ELP4: variants seen among roughly 807,000 people sequenced by gnomAD.
The protein encoded by ELP4 is elongator acetyltransferase complex subunit 4.
Under a neutral mutation model 48.9 loss-of-function variants are expected in ELP4, and 51 were observed. That is an observed-to-expected ratio of 1.04 (90% CI 0.83 to 1.32). The LOEUF (loss-of-function observed/expected upper bound fraction) is 1.32. Ranked by LOEUF, ELP4 falls within the 40% of genes most tolerant of loss-of-function variation. The pLI is 0.00. For synonymous variants in ELP4, 210 were observed against 189.2 expected (o/e 1.11, Z -0.90); for missense variants, 519 against 514.6 (o/e 1.01, Z -0.08).
chr11:31,697,386 G>T (rs1214374404), intron 9 of ELP4, among the ~76,000 whole-genome samples: 1 of 151,960 alleles, frequency 6.6e-6, no homozygotes, highest in Non-Finnish European at 1.5e-5. Context: ...GTATTATAAT[G>T]GAAGAGGAAA....
At chr11:31,535,770 A>T (rs553791479) in intron 2 of ELP4, among the ~76,000 whole-genome samples, 4 of 152,328 alleles carry the variant, frequency 2.6e-5, no homozygotes, top group African/African-American at 7.2e-5. Flanking sequence ...GGCCCCAAGC[A>T]CCTAACCTCT....
chr11:31,520,061 G>A lies in ELP4; in HGVS notation c.229G>A (p.Gly77Ser). ...LPALDQLLGG[G>S]LAVGTVLLIE... The stretch of plus-strand genomic sequence containing the variant: ...TGGTTTTGTTTCATTTCCAGGTGGA[G>A]GTTTAGCCGTTGGAACAGTTCTTCT... The change falls in exon 2 of 10, where the codon GGT becomes AGT. Residue 77 changes from glycine to serine, a missense_variant. Physicochemically the swap from Gly to Ser is moderately conservative, Grantham distance 56. Coordinates refer to ENST00000640961, the MANE Select transcript of ELP4 (RefSeq NM_019040.5). 6.2e-7 allele frequency: 1 copy of A among 1,612,728 alleles called. No homozygotes were observed. The highest frequency in any genetic ancestry group is 8.5e-7 in the Non-Finnish European group (1 of 1,179,524).
At chr11:31,620,710 G>A (rs1220154181) in intron 5 of ELP4, among the ~76,000 whole-genome samples, 2 of 151,934 alleles carry the variant, frequency 1.3e-5, no homozygotes, top group African/African-American at 4.8e-5. Flanking sequence ...AAGTCAGAGT[G>A]ATGTCAAGCT....
chr11:31,770,819 G>GAAAAA (rs1223566241), intron 9 of ELP4, among the ~76,000 whole-genome samples: 1 of 109,748 alleles, frequency 9.1e-6, no homozygotes, highest in Non-Finnish European at 1.7e-5. Context: ...AGGACAGAGT[G>GAAAAA]AGACCCTGTC....
At chr11:31,736,206 A>C (rs1294053022) in intron 9 of ELP4, among the ~76,000 whole-genome samples, 1 of 152,196 alleles carries the variant, frequency 6.6e-6, no homozygotes, top group African/African-American at 2.4e-5. Flanking sequence ...GACAAACCTG[A>C]GAAAAACAAA....
chr11:31,616,508 G>A (rs530439239), intron 5 of ELP4, among the ~76,000 whole-genome samples: 11 of 151,982 alleles, frequency 7.2e-5, no homozygotes, highest in Non-Finnish European at 1.3e-4. Context: ...TCATAATCTT[G>A]GATTCGGCCA....
At chr11:31,749,377 G>GT (rs1832550498) in intron 9 of ELP4, among the ~76,000 whole-genome samples, 1 of 152,214 alleles carries the variant, frequency 6.6e-6, no homozygotes, top group African/African-American at 2.4e-5. Flanking sequence ...ACACAGATTA[G>GT]TTATAGAGAG....
chr11:31,710,164 G>T (rs552531265), intron 9 of ELP4, among the ~76,000 whole-genome samples: 1 of 152,282 alleles, frequency 6.6e-6, no homozygotes, highest in East Asian at 1.9e-4. Context: ...TGTTGAATAC[G>T]TGAATTAGAC....
chr11:31,578,466 G>A (rs1414002484), intron 3 of ELP4, among the ~76,000 whole-genome samples: 2 of 152,158 alleles, frequency 1.3e-5, no homozygotes, highest in Non-Finnish European at 2.9e-5. Context: ...AACCAAAAAA[G>A]AGCCTGCTTT....
chr11:31,601,570 A>G (rs879531527), intron 4 of ELP4, among the ~76,000 whole-genome samples: 2 of 152,168 alleles, frequency 1.3e-5, no homozygotes, highest in Non-Finnish European at 1.5e-5. Flanking sequence ...GATTTCTATC[A>G]CATTAATATT....
intron 7 of ELP4, among the ~76,000 whole-genome samples, chr11:31,639,222 C>T (rs1408522111): frequency 6.6e-6 from 1 of 151,688 alleles, no homozygotes; most frequent in African/African-American, 2.4e-5. Context: ...ATCTTCTTAA[C>T]GACTCTGAAA....
At position 31,639,486 on chromosome 11, in the gene ELP4, A is replaced by T. The variant is rs151151117; in HGVS notation, c.927+7081A>T. ...CTTTTTTTCTTGTTTCAGACTACAC[A>T]TGCTGATACCCGGTTAATTTTTAAA... On this transcript the variant is annotated intron_variant, in intron 7 of 9. Transcript: ENST00000640961. Among the ~76,000 whole-genome samples the T allele has an allele frequency of 8.0e-3, 1,218 of 152,010 alleles. 35 individuals carry two copies. The highest frequency in any genetic ancestry group is 0.061 in the Admixed American group (928 of 15,194).
intron 5 of ELP4, among the ~76,000 whole-genome samples, chr11:31,604,341 C>A (rs1957833339): frequency 1.3e-5 from 2 of 151,794 alleles, no homozygotes; most frequent in South Asian, 2.1e-4. Flanking sequence ...AGAGCGTAAA[C>A]AAGTATATAC....
chr11:31,601,447 T>G (rs1957780783), intron 4 of ELP4, among the ~76,000 whole-genome samples: 1 of 152,118 alleles, frequency 6.6e-6, no homozygotes. Context: ...ATAACAATTA[T>G]AATGAGAAAA....
At position 31,585,257 on chromosome 11, in the gene ELP4, A is replaced by G. The variant is rs536771550; in HGVS notation, c.382-9513A>G. The stretch of plus-strand genomic sequence containing the variant: ...TAATCTTAAGAATTAATTAGGGCCA[A>G]TTGTCTCAAATTTAAACAAATGTTT... On this transcript the variant is annotated intron_variant, in intron 3 of 9. Coordinates refer to ENST00000640961, the MANE Select transcript of ELP4 (RefSeq NM_019040.5). Among the ~76,000 whole-genome samples the G allele has an allele frequency of 8.5e-5, 13 of 152,286 alleles. No homozygotes were observed. The East Asian group carries it at 1.4e-3, about 16-fold the overall frequency.
intron 9 of ELP4, among the ~76,000 whole-genome samples, chr11:31,694,200 C>A (rs1469470966): frequency 1.3e-5 from 2 of 152,042 alleles, no homozygotes; most frequent in East Asian, 3.9e-4. Flanking sequence ...GCTTTTGTTG[C>A]CATTGCTTTT....
At chr11:31,763,309 T>G (rs757581930) in intron 9 of ELP4, 1 of 1,072,978 alleles carries the variant, frequency 9.3e-7, no homozygotes, top group Admixed American at 3.2e-5. Flanking sequence ...GATACACAAT[T>G]GAGAAAGAAA....
chr11:31,531,446 C>T (rs1956394333), intron 2 of ELP4, among the ~76,000 whole-genome samples: 1 of 152,166 alleles, frequency 6.6e-6, no homozygotes. Flanking sequence ...TAAGAGGGTG[C>T]TCCAGAGCAC....
intron 9 of ELP4, among the ~76,000 whole-genome samples, chr11:31,748,852 A>C (rs1947655823): frequency 6.6e-6 from 1 of 152,086 alleles, no homozygotes; most frequent in African/African-American, 2.4e-5. Flanking sequence ...AAATAAAGTA[A>C]AATTTTGCAG....
Sources: allele counts gnomAD v4.1 joint callset (sites outside exome capture counted in the v4.1 genomes callset), GRCh38; gene constraint gnomAD v4.1.1; transcripts MANE v1.5; gene names NCBI Gene and HGNC (gene_info 2026-07-23, HGNC 2026-07-21).